The following ATE1 variants were observed in gnomAD, a reference collection of about 807,000 sequenced individuals.
ATE1 encodes arginyltransferase 1, also known as arginyl-tRNA--protein transferase 1.
A neutral mutation model predicts 70.5 loss-of-function variants in ATE1; 36 were observed. The ratio of observed to expected loss-of-function variants is 0.51; its 90% CI spans 0.39 to 0.67. The LOEUF (loss-of-function observed/expected upper bound fraction) is 0.67, where lower values mean the gene tolerates loss of function less well. Among genes scored for constraint, ATE1 ranks in the 30% least tolerant of loss-of-function variants. The probability of loss-of-function intolerance (pLI) is 0.00; values close to 1 mark genes in which losing one functional copy is unlikely to be tolerated. For synonymous variants in ATE1, 232 were observed against 219.3 expected (o/e 1.06, Z -0.51); for missense variants, 593 against 629.5 (o/e 0.94, Z 0.62).
At chr10:121,837,988 C>T (rs1948491066) in intron 9 of ATE1, among the ~76,000 whole-genome samples, 1 of 152,130 alleles carries the variant, frequency 6.6e-6, no homozygotes, top group Non-Finnish European at 1.5e-5. Flanking sequence ...CTTTTCTTCT[C>T]ATCCCAATGT....
intron 11 of ATE1, among the ~76,000 whole-genome samples, chr10:121,769,630 C>A (rs1363453681): frequency 6.6e-6 from 1 of 152,154 alleles, no homozygotes; most frequent in Non-Finnish European, 1.5e-5. Context: ...CCAAAGGACA[C>A]ATATCTGGAA....
chr10:121,899,552 C>T (rs1221627961), intron 7 of ATE1, among the ~76,000 whole-genome samples: 1 of 152,112 alleles, frequency 6.6e-6, no homozygotes, highest in African/African-American at 2.4e-5. Context: ...AATATAGTTT[C>T]CTGAGTTTTC....
chr10:121,862,304 G>A (rs555242675), intron 8 of ATE1, among the ~76,000 whole-genome samples: 1 of 152,022 alleles, frequency 6.6e-6, no homozygotes, highest in Non-Finnish European at 1.5e-5. Context: ...CTAGCCATTG[G>A]AGAGACCTTG....
intron 8 of ATE1, among the ~76,000 whole-genome samples, chr10:121,855,800 T>G (rs1218883252): frequency 2.0e-5 from 3 of 151,986 alleles, no homozygotes; most frequent in Non-Finnish European, 4.4e-5. Flanking sequence ...ATAGGCCAGG[T>G]GTGGTGGCTC....
At chr10:121,807,009 T>G (rs1295923496) in intron 10 of ATE1, among the ~76,000 whole-genome samples, 1 of 152,168 alleles carries the variant, frequency 6.6e-6, no homozygotes, top group African/African-American at 2.4e-5. Context: ...GTGCAAGATA[T>G]TTTTCTAATG....
chr10:121,868,816 A>G (rs1564911579), intron 8 of ATE1, among the ~76,000 whole-genome samples: 1 of 152,166 alleles, frequency 6.6e-6, no homozygotes, highest in Non-Finnish European at 1.5e-5. Context: ...GGTCTGGTCC[A>G]TTTCTCCTGG....
rs187366754 is a variant in ATE1 at position 121,870,075 on chromosome 10, T to C, written c.943-37A>G. The C allele has an allele frequency of 9.6e-4, 1,534 of 1,592,208 alleles. 14 individuals carry two copies. In the African/African-American group the frequency reaches 0.018, roughly 19 times the overall value. On this transcript the variant is annotated intron_variant, in intron 7 of 11. Transcript: ENST00000224652. ...TTTGAACAGAATCCATTTCATCCAG[T>C]AAACAGACGGCAAAAAGGAACACAG...
At chr10:121,770,554 C>T (rs1396684312) in intron 11 of ATE1, among the ~76,000 whole-genome samples, 1 of 151,918 alleles carries the variant, frequency 6.6e-6, no homozygotes, top group East Asian at 1.9e-4. Flanking sequence ...TGCTTTTGAG[C>T]CTAAAGACGA....
chr10:121,864,950 C>T (rs148171214), intron 8 of ATE1, among the ~76,000 whole-genome samples: 203 of 152,282 alleles, frequency 1.3e-3, no homozygotes, highest in Non-Finnish European at 1.6e-3. Context: ...GCCCACCATG[C>T]TGATAGTACC....
rs1951320088 is a variant in ATE1, at chr10:121,909,137, C to G, written c.583+1769G>C. On this transcript the variant is annotated intron_variant, in intron 5 of 11. Coordinates refer to ENST00000224652, the MANE Select transcript of ATE1 (RefSeq NM_001001976.3). Reference sequence around the variant, plus strand: ...CCAAGTAGCTGGGACTACAGGCATGCACCATAACACCTGGCTAATATTTTG... The same window carrying G: ...CCAAGTAGCTGGGACTACAGGCATGGACCATAACACCTGGCTAATATTTTG... 2.6e-5 allele frequency among the ~76,000 whole-genome samples: 4 copies of G among 152,212 alleles called. No individual in the cohort carries two copies. The South Asian group carries it at 8.3e-4, about 32-fold the overall frequency.
At chr10:121,761,002 A>G (rs1314616114) in intron 11 of ATE1, among the ~76,000 whole-genome samples, 1 of 152,126 alleles carries the variant, frequency 6.6e-6, no homozygotes, top group Non-Finnish European at 1.5e-5. Context: ...TTAACAGATT[A>G]ATGACCTGGA....
intron 8 of ATE1, among the ~76,000 whole-genome samples, chr10:121,845,778 T>C (rs1948795596): frequency 6.6e-6 from 1 of 152,212 alleles, no homozygotes. Flanking sequence ...GGTAGAAAGA[T>C]TCATGTGCTA....
chr10:121,793,568 A>C (rs905311675), intron 10 of ATE1, among the ~76,000 whole-genome samples: 1 of 152,208 alleles, frequency 6.6e-6, no homozygotes, highest in Admixed American at 6.5e-5. Context: ...GTTCTAAAAA[A>C]TGACATTTCA....
At position 121,926,677 on chromosome 10, in the gene ATE1, T is replaced by TA. The variant is rs1472299725; in HGVS notation, c.106+1166dup. On this transcript the variant is annotated intron_variant, in intron 1 of 11. Coordinates refer to ENST00000224652, the MANE Select transcript of ATE1 (RefSeq NM_001001976.3). Reference sequence around the variant, plus strand: ...GATTTGATAAATATTATAGCCAAAATACAAAAATTCTGAAAAAGAGAAGGT... The same window carrying TA: ...GATTTGATAAATATTATAGCCAAAATAACAAAAATTCTGAAAAAGAGAAGGT... The TA allele has an allele frequency of 2.6e-5, 25 of 965,738 alleles. 1 individual carries two copies. The Middle Eastern group carries it at 2.1e-3, about 82-fold the overall frequency. The allele number at this position is 965,738 out of a possible 1,614,324, so 59.8% of individuals were successfully genotyped here.
rs1263646107 is a variant in ATE1, at chr10:121,903,092, CCT to C, written c.584-474_584-473del. Among the ~76,000 whole-genome samples, 10 of 151,692 alleles carry C rather than the reference CCT, an allele frequency of 6.6e-5. No homozygotes were observed. In the Middle Eastern group the frequency reaches 0.01, roughly 157 times the overall value. On this transcript the variant is annotated intron_variant, in intron 5 of 11. Transcript: ENST00000224652. ...TGTTGGCCAGACTGGTCTCAAACTCCCTTGGACAGACTGGTCTCAAACTCCTG... is the reference window on the plus strand; with the variant it reads ...TGTTGGCCAGACTGGTCTCAAACTCCTGGACAGACTGGTCTCAAACTCCTG...
chr10:121,908,596 C>A (rs916071948), intron 5 of ATE1, among the ~76,000 whole-genome samples: 4 of 152,132 alleles, frequency 2.6e-5, no homozygotes, highest in Admixed American at 2.0e-4. Flanking sequence ...TCCAGCCAGC[C>A]AGGAAACGAA....
chr10:121,861,893 T>C (rs900512753), intron 8 of ATE1, among the ~76,000 whole-genome samples: 3 of 152,162 alleles, frequency 2.0e-5, no homozygotes, highest in Non-Finnish European at 4.4e-5. Flanking sequence ...TTTGCCCAAA[T>C]GATCAAGCCA....
intron 11 of ATE1, among the ~76,000 whole-genome samples, chr10:121,753,928 T>C (rs747319913): frequency 5.9e-5 from 9 of 152,166 alleles, no homozygotes; most frequent in Non-Finnish European, 1.2e-4. Context: ...TTCTGCCCCA[T>C]GTGGTCAAGA....
intron 8 of ATE1, among the ~76,000 whole-genome samples, chr10:121,851,712 A>T (rs1372865265): frequency 6.6e-6 from 1 of 152,246 alleles, no homozygotes; most frequent in Non-Finnish European, 1.5e-5. Flanking sequence ...AAAATTTAGT[A>T]ATTTATCTTT....
Sources: gnomAD v4.1 joint callset for allele counts (sites outside exome capture counted in the v4.1 genomes callset) on GRCh38, gnomAD v4.1.1 for gene constraint, MANE v1.5 for transcripts, NCBI Gene and HGNC (gene_info 2026-07-23, HGNC 2026-07-21) for gene names.